UVSSA: variants seen among roughly 807,000 people sequenced by gnomAD.
UVSSA encodes the protein UV stimulated scaffold protein A.
Under a neutral mutation model 73.9 loss-of-function variants are expected in UVSSA, and 72 were observed. The observed-to-expected ratio is 0.97, with a 90% CI of 0.81 to 1.19. The LOEUF (loss-of-function observed/expected upper bound fraction) is 1.19, where lower values mean the gene tolerates loss of function less well. Among genes scored for constraint, UVSSA ranks in the 50% most tolerant of loss-of-function variants. The pLI, the probability that UVSSA is intolerant of heterozygous loss-of-function variation, is 0.00. For synonymous variants in UVSSA, 454 were observed against 391.3 expected (o/e 1.16, Z -1.89); for missense variants, 1,150 against 965.0 (o/e 1.19, Z -2.54).
intron 7 of UVSSA, among the ~76,000 whole-genome samples, chr4:1,356,127 C>T (rs775861434): frequency 3.9e-5 from 6 of 152,178 alleles, no homozygotes; most frequent in Non-Finnish European, 8.8e-5. Context: ...CCCAACACCC[C>T]TGAGCTCGGA....
intron 2 of UVSSA, 33 bp from the exon 3 acceptor site, chr4:1,349,491 G>C (rs371437157): frequency 1.1e-4 from 181 of 1,598,232 alleles, no homozygotes; most frequent in Non-Finnish European, 1.2e-4. Context: ...TCTGCGTGTG[G>C]GGCAGTTGGG....
chr4:1,365,843 G>A (rs1010822640), intron 7 of UVSSA, among the ~76,000 whole-genome samples: 1 of 151,878 alleles, frequency 6.6e-6, no homozygotes, highest in Non-Finnish European at 1.5e-5. Context: ...GCTCCACCTG[G>A]TGGGAAGATA....
At position 1,351,783 on chromosome 4, in the gene UVSSA, C is replaced by G. The variant is rs765220920; in HGVS notation, c.498C>G (p.His166Gln). 1.7e-5 allele frequency: 27 copies of G among 1,613,616 alleles called. No individual in the cohort carries two copies. The highest frequency in any genetic ancestry group is 8.0e-5 in the African/African-American group (6 of 74,936). Reference protein sequence around the residue: ...ERKREEEKQKHLDKIYQERAS... With the variant: ...ERKREEEKQKQLDKIYQERAS... ...AGAGAGAAGAGGAGAAGCAGAAGCA[C>G]TTGGATAAAATTTATCAAGAAAGAG... Residue 166 changes from histidine (H) to glutamine (Q), a missense_variant, in exon 4 of 14, where the codon CAC becomes CAG. Physicochemically the swap from His to Gln is conservative, Grantham distance 24 (BLOSUM62 0). Coordinates refer to ENST00000389851, the MANE Select transcript of UVSSA (RefSeq NM_020894.4).
upstream of UVSSA, among the ~76,000 whole-genome samples, chr4:1,344,410 G>T (rs960847657): frequency 4.6e-5 from 7 of 152,158 alleles, no homozygotes; most frequent in African/African-American, 1.7e-4. Flanking sequence ...AATTAGCTGG[G>T]CGTGGTGGTG....
intron 7 of UVSSA, among the ~76,000 whole-genome samples, chr4:1,363,085 C>G (rs1716867955): frequency 6.8e-6 from 1 of 147,148 alleles, no homozygotes; most frequent in Non-Finnish European, 1.5e-5. Flanking sequence ...GCAGTGAAGC[C>G]CCTCAATGCT....
rs145597820 is a variant in UVSSA, at chr4:1,353,359, C to T, written c.880C>T (p.Arg294Trp). 3.2e-5 allele frequency: 51 copies of T among 1,606,736 alleles called. 1 individual carries two copies. Among genetic ancestry groups the T allele is most frequent in the South Asian group, 2.4e-4 (22 of 90,422 alleles). The change falls in exon 5 of 14, where the codon CGG becomes TGG. Residue 294 changes from arginine (R) to tryptophan (W), a missense_variant. Transcript: ENST00000389851. The stretch of plus-strand genomic sequence containing the variant: ...GGACAGCGACCTCGAGGAGTTTGTG[C>T]GGAGCCACGGGCTGGGCTCGCACAA... ...DEDSDLEEFV[R>W]SHGLGSHKYT...
intron 3 of UVSSA, among the ~76,000 whole-genome samples, chr4:1,350,860 A>G (rs931353146): frequency 1.3e-5 from 2 of 151,372 alleles, no homozygotes; most frequent in Non-Finnish European, 2.9e-5. Flanking sequence ...CTTGAGCTTT[A>G]TCTTCCTCAC....
intron 3 of UVSSA, among the ~76,000 whole-genome samples, chr4:1,350,364 C>T (rs908747823): frequency 2.6e-5 from 4 of 152,186 alleles, no homozygotes; most frequent in African/African-American, 9.7e-5. Context: ...CCACCTGCCA[C>T]GAAGGCTCAG....
In UVSSA at chr4:1,351,768, G is replaced by A. The variant is rs1407711864; in HGVS notation, c.483G>A (p.Glu161=). 11 of 1,613,586 alleles carry A rather than the reference G, an allele frequency of 6.8e-6. No individual in the cohort carries two copies. Among genetic ancestry groups the A allele is most frequent in the Non-Finnish European group, 9.3e-6 (11 of 1,179,868 alleles). Reference sequence around the variant, plus strand: ...GTCTGGCAGAAAGGAAGAGAGAAGAGGAGAAGCAGAAGCACTTGGATAAAA... The same window carrying A: ...GTCTGGCAGAAAGGAAGAGAGAAGAAGAGAAGCAGAAGCACTTGGATAAAA... ...ARSLAERKRE[E]EKQKHLDKIY... The change falls in exon 4 of 14, where the codon GAG becomes GAA. Residue 161 remains glutamate (E), a synonymous_variant. Transcript: ENST00000389851.
chr4:1,370,137 T>A (rs1235473047), intron 8 of UVSSA, among the ~76,000 whole-genome samples: 13 of 152,232 alleles, frequency 8.5e-5, no homozygotes, highest in Admixed American at 8.5e-4. Context: ...AACAAATCGA[T>A]GAAAAATATA....
Position 1,353,267 on chromosome 4 carries a change from A to G in UVSSA, c.788A>G (p.His263Arg). 6.2e-7 allele frequency: 1 copy of G among 1,611,334 alleles called. No homozygotes were observed. Among genetic ancestry groups the G allele is most frequent in the African/African-American group, 1.3e-5 (1 of 75,042 alleles). The change falls in exon 5 of 14, where the codon CAC (histidine) becomes CGC (arginine). Residue 263 changes from histidine to arginine, a missense_variant. His to Arg is a conservative substitution (Grantham distance 29). Transcript: ENST00000389851. ...CSRDLPASAGHPRAGGGAQPS... is the reference protein window; with the variant it reads ...CSRDLPASAGRPRAGGGAQPS... ...AGAGACCTGCCTGCCTCTGCAGGCC[A>G]CCCCAGAGCGGGCGGCGGGGCACAG...
chr4:1,366,653 G>C (rs112579893), intron 8 of UVSSA, among the ~76,000 whole-genome samples: 16 of 152,338 alleles, frequency 1.1e-4, no homozygotes, highest in Admixed American at 2.0e-4. Flanking sequence ...TCGGGTTCTC[G>C]GGCCTGGGGC....
intron 12 of UVSSA, among the ~76,000 whole-genome samples, chr4:1,383,556 G>C (rs1719744106): frequency 6.6e-6 from 1 of 152,140 alleles, no homozygotes; most frequent in Non-Finnish European, 1.5e-5. Context: ...CACCCTGTGG[G>C]GGCCAGCATG....
intron 8 of UVSSA, among the ~76,000 whole-genome samples, chr4:1,371,502 G>A (rs1336096404): frequency 2.6e-5 from 4 of 152,150 alleles, no homozygotes; most frequent in African/African-American, 4.8e-5. Context: ...GTATTACTCC[G>A]TTTTCCTGCT....
At chr4:1,389,545 A>T (rs1478453557), downstream of UVSSA, 1 of 152,132 alleles carries the variant, frequency 6.6e-6, no homozygotes, top group African/African-American at 2.4e-5. Flanking sequence ...CTAATTTTTT[A>T]AAAGCTTATT....
At chr4:1,381,686 C>CTTTTT (rs1318393473) in intron 12 of UVSSA, among the ~76,000 whole-genome samples, 2 of 131,760 alleles carry the variant, frequency 1.5e-5, no homozygotes, top group Admixed American at 7.5e-5. Flanking sequence ...TTTGATTTGG[C>CTTTTT]TTTTTTTTTT....
chr4:1,394,424 A>T, exon 14 of UVSSA: 1 of 1,587,162 alleles, frequency 6.3e-7, no homozygotes, highest in Non-Finnish European at 8.6e-7. Context: ...GAAATCATTG[A>T]TCTACTTCTA....
At chr4:1,361,203 G>T (rs369652400) in intron 7 of UVSSA, among the ~76,000 whole-genome samples, 15 of 152,304 alleles carry the variant, frequency 9.8e-5, no homozygotes, top group East Asian at 9.7e-4. Context: ...ACCCAAGAAG[G>T]CCCCCAGGCC....
At chr4:1,360,206 C>G (rs539278382) in intron 7 of UVSSA, among the ~76,000 whole-genome samples, 1 of 152,374 alleles carries the variant, frequency 6.6e-6, no homozygotes, top group East Asian at 1.9e-4. Context: ...TACACAGGTT[C>G]TCTGGAGTCA....
Sources: allele counts gnomAD v4.1 joint callset (sites outside exome capture counted in the v4.1 genomes callset), GRCh38; gene constraint gnomAD v4.1.1; transcripts MANE v1.5; gene names NCBI Gene and HGNC (gene_info 2026-07-23, HGNC 2026-07-21).